The following ADGRL3 variants were observed in gnomAD, a reference collection of about 807,000 sequenced individuals.
ADGRL3 encodes the protein adhesion G protein-coupled receptor L3, also known as calcium-independent alpha-latrotoxin receptor 3.
A neutral mutation model predicts 153.5 loss-of-function variants in ADGRL3; 62 were observed. The ratio of observed to expected loss-of-function variants is 0.40; its 90% CI spans 0.33 to 0.50. ADGRL3 has a LOEUF of 0.50. Among genes scored for constraint, ADGRL3 ranks in the 20% least tolerant of loss-of-function variants. The pLI is 0.47. For missense variants in ADGRL3, 1,641 were observed against 1,859.4 expected, an observed-to-expected ratio of 0.88 and a Z score of 2.16; for synonymous variants, 710 against 672.5, an observed-to-expected ratio of 1.06 and a Z score of -0.86.
At chr4:61,460,766 C>T (rs2097802312) in intron 2 of ADGRL3, among the ~76,000 whole-genome samples, 1 of 151,994 alleles carries the variant, frequency 6.6e-6, no homozygotes, top group African/African-American at 2.4e-5. Context: ...AAGGGGAAAC[C>T]CTTTATAAAA....
chr4:61,687,007 C>A (rs2095458091), intron 6 of ADGRL3, among the ~76,000 whole-genome samples: 2 of 151,808 alleles, frequency 1.3e-5, no homozygotes, highest in South Asian at 2.1e-4. Flanking sequence ...TAACATGACA[C>A]CTCATTAAAA....
chr4:61,301,041 G>C (rs1387041903), intron 1 of ADGRL3, among the ~76,000 whole-genome samples: 10 of 152,264 alleles, frequency 6.6e-5, no homozygotes, highest in African/African-American at 2.4e-4. Flanking sequence ...GGAATTACAG[G>C]CGTGAGCCAC....
chr4:61,726,545 A>G (rs765020435), intron 6 of ADGRL3, among the ~76,000 whole-genome samples: 5 of 151,964 alleles, frequency 3.3e-5, no homozygotes, highest in Non-Finnish European at 7.4e-5. Flanking sequence ...TCTTCAACCT[A>G]TAGTATTGTG....
Position 61,267,476 on chromosome 4 carries a change from A to G in ADGRL3, c.-240+65711A>G, listed in dbSNP as rs917778865. On this transcript the variant is annotated intron_variant, in intron 1 of 26. Coordinates refer to ENST00000683033, the MANE Select transcript of ADGRL3 (RefSeq NM_001387552.1). ...TCCCTAGAAAGTTGAGGAAGCACAG[A>G]TGGATTCATTTGCACCTACAGTGTC... Among the ~76,000 whole-genome samples, 6 of 151,848 alleles carry G rather than the reference A, an allele frequency of 4.0e-5. No homozygotes were observed. The East Asian group carries it at 5.8e-4, about 15-fold the overall frequency.
intron 1 of ADGRL3, among the ~76,000 whole-genome samples, chr4:61,237,743 T>G (rs578020405): frequency 6.6e-6 from 1 of 152,102 alleles, no homozygotes; most frequent in African/African-American, 2.4e-5. Context: ...AACTGCAACA[T>G]TTATTTTGAA....
intron 1 of ADGRL3, among the ~76,000 whole-genome samples, chr4:61,206,021 G>C: frequency 6.6e-6 from 1 of 152,156 alleles, no homozygotes; most frequent in East Asian, 1.9e-4. Flanking sequence ...AAATGTAAAA[G>C]AGAAAATAGC....
intron 6 of ADGRL3, among the ~76,000 whole-genome samples, chr4:61,684,360 G>T (rs2095404182): frequency 6.6e-6 from 1 of 152,092 alleles, no homozygotes; most frequent in Admixed American, 6.6e-5. Flanking sequence ...CCAGGCCTCT[G>T]AAAAAGTAAG....
chr4:61,797,123 C>A (rs1383201555), intron 8 of ADGRL3, among the ~76,000 whole-genome samples: 1 of 152,052 alleles, frequency 6.6e-6, no homozygotes, highest in Non-Finnish European at 1.5e-5. Context: ...CTTACATGGC[C>A]AAATCAAGTG....
intron 6 of ADGRL3, among the ~76,000 whole-genome samples, chr4:61,682,562 A>AG (rs1435942815): frequency 5.0e-5 from 4 of 80,698 alleles, no homozygotes; most frequent in Admixed American, 1.7e-4. Context: ...TCTTTAAAAA[A>AG]ATTTTTTTTT....
chr4:61,570,508 G>A (rs1208512987), intron 4 of ADGRL3, among the ~76,000 whole-genome samples: 2 of 151,994 alleles, frequency 1.3e-5, no homozygotes, highest in Non-Finnish European at 1.5e-5. Context: ...TCTTCCTAAT[G>A]TGCTGCTAGA....
intron 5 of ADGRL3, among the ~76,000 whole-genome samples, chr4:61,655,008 CTT>C (rs939885788): frequency 1.3e-5 from 2 of 152,084 alleles, no homozygotes; most frequent in African/African-American, 2.4e-5. Context: ...TTATCTAAGA[CTT>C]ATGACTTTTC....
chr4:61,793,798 A>T (rs1204132244), intron 8 of ADGRL3, among the ~76,000 whole-genome samples: 1 of 152,172 alleles, frequency 6.6e-6, no homozygotes, highest in Non-Finnish European at 1.5e-5. Context: ...TATAAACTTG[A>T]TGAAACTTAC....
At chr4:61,928,406 C>T (rs2098803516) in intron 13 of ADGRL3, among the ~76,000 whole-genome samples, 1 of 152,008 alleles carries the variant, frequency 6.6e-6, no homozygotes, top group African/African-American at 2.4e-5. Context: ...TTTTATGGTC[C>T]TCCTCAGCAA....
intron 15 of ADGRL3, among the ~76,000 whole-genome samples, chr4:61,945,956 C>T (rs1223463501): frequency 6.6e-6 from 1 of 152,160 alleles, no homozygotes; most frequent in Non-Finnish European, 1.5e-5. Context: ...ATCTTGGCTC[C>T]TCCTCCTAGT....
chr4:61,959,720 T>G lies in ADGRL3; in HGVS notation c.2805+11444T>G, dbSNP rs576921162. Among the ~76,000 whole-genome samples the G allele has an allele frequency of 5.8e-3, 886 of 152,292 alleles. 9 individuals are homozygous for G. Among genetic ancestry groups the G allele is most frequent in the African/African-American group, 0.02 (813 of 41,562 alleles). Reference sequence around the variant, plus strand: ...AAGTACTTGTTTTTCAAAAAGAATATTTTTACTTTTTAAAGCCCCAAATTT... The same window carrying G: ...AAGTACTTGTTTTTCAAAAAGAATAGTTTTACTTTTTAAAGCCCCAAATTT... On this transcript the variant is annotated intron_variant, in intron 17 of 26. Transcript: ENST00000683033.
chr4:61,701,096 T>A (rs2080846981), intron 6 of ADGRL3, among the ~76,000 whole-genome samples: 1 of 152,066 alleles, frequency 6.6e-6, no homozygotes, highest in African/African-American at 2.4e-5. Flanking sequence ...GCAGTAGAAA[T>A]GTCTAAAAAT....
chr4:61,722,719 TC>T (rs1372437877), intron 6 of ADGRL3, among the ~76,000 whole-genome samples: 1 of 152,126 alleles, frequency 6.6e-6, no homozygotes, highest in African/African-American at 2.4e-5. Flanking sequence ...AGGTTTAAGA[TC>T]TTTACTCATC....
intron 9 of ADGRL3, among the ~76,000 whole-genome samples, chr4:61,855,522 A>G (rs1461501766): frequency 6.6e-6 from 1 of 152,216 alleles, no homozygotes; most frequent in East Asian, 1.9e-4. Flanking sequence ...TAATATTGAT[A>G]TATTGATAAG....
At chr4:61,918,777 G>A (rs1044946131) in intron 13 of ADGRL3, among the ~76,000 whole-genome samples, 4 of 152,130 alleles carry the variant, frequency 2.6e-5, no homozygotes, top group East Asian at 1.9e-4. Context: ...AAGCCCACAT[G>A]TCTACATTAT....
Sources: allele counts gnomAD v4.1 joint callset (sites outside exome capture counted in the v4.1 genomes callset), GRCh38; gene constraint gnomAD v4.1.1; transcripts MANE v1.5; gene names NCBI Gene and HGNC (gene_info 2026-07-23, HGNC 2026-07-21).